Variants in ERCC2 observed in about 807,000 individuals in gnomAD.
ERCC2 encodes ERCC excision repair 2, TFIIH core complex helicase subunit, also known as general transcription and DNA repair factor IIH helicase subunit XPD.
Under a neutral mutation model 99.4 loss-of-function variants are expected in ERCC2, and 90 were observed. That is an observed-to-expected ratio of 0.91 (90% CI 0.76 to 1.08). The LOEUF (loss-of-function observed/expected upper bound fraction) is 1.08, where lower values mean the gene tolerates loss of function less well. ERCC2 is among the 50% of genes least tolerant of loss of function. The probability of loss-of-function intolerance (pLI) is 0.00; values close to 1 mark genes in which losing one functional copy is unlikely to be tolerated. For missense variants in ERCC2, 993 were observed against 1,038.1 expected, an observed-to-expected ratio of 0.96 and a Z score of 0.60; for synonymous variants, 497 against 432.4, an observed-to-expected ratio of 1.15 and a Z score of -1.85.
Position 45,353,336 on chromosome 19 carries a change from T to C in ERCC2, c.1666-2A>G. On this transcript the variant is annotated splice_acceptor_variant, in intron 17 of 22. Coordinates refer to ENST00000391945, the MANE Select transcript of ERCC2 (RefSeq NM_000400.4). LOFTEE classifies it high-confidence loss of function. Reference sequence around the variant, plus strand: ...CCTCTGGATGTTCTCAAGGATCCCCTGGGGAAGGACCCAGGGAGGTCAGGG... The same window carrying C: ...CCTCTGGATGTTCTCAAGGATCCCCCGGGGAAGGACCCAGGGAGGTCAGGG... 3 of 1,612,790 alleles carry C rather than the reference T, an allele frequency of 1.9e-6. No homozygotes were observed. The highest frequency in any genetic ancestry group is 2.5e-6 in the Non-Finnish European group (3 of 1,179,250).
intron 5 of ERCC2, 109 bp downstream of exon 5, chr19:45,368,521 A>T: frequency 1.3e-6 from 1 of 768,038 alleles, no homozygotes. Flanking sequence ...GTGTGTAGCC[A>T]CTGCATGCCT....
At chr19:45,353,003 C>A (rs981033315) in intron 19 of ERCC2, 80 bp downstream of exon 19, 2 of 1,484,632 alleles carry the variant, frequency 1.3e-6, no homozygotes, top group Non-Finnish European at 1.9e-6. Context: ...TGGTTCCCCG[C>A]GGGAGCAGAC....
chr19:45,354,781 G>A lies in ERCC2; in HGVS notation c.1614C>T (p.Phe538=), dbSNP rs775414661. Residue 538 remains phenylalanine (F), a synonymous_variant, in exon 17 of 23, where the codon TTC becomes TTT. Transcript: ENST00000391945. ...TCTCCATGTACTGGTAGCTGGTGAA[G>A]AAGGCCACGATGCCATCAGGGACCA... The part of the protein sequence containing the change: ...SAVVPDGIVA[F]FTSYQYMEST... 21 of 1,614,160 alleles carry A rather than the reference G, an allele frequency of 1.3e-5. No individual in the cohort carries two copies. The Admixed American group carries it at 3.2e-4, about 24-fold the overall frequency.
At chr19:45,369,040 C>T in intron 3 of ERCC2, 30 bp downstream of exon 3, 1 of 1,614,122 alleles carries the variant, frequency 6.2e-7, no homozygotes, top group African/African-American at 1.3e-5. Context: ...CTTCCTTTGT[C>T]TGCCTTTACG....
rs908169514 is a variant in ERCC2 at position 45,364,487 on chromosome 19, C to T, written c.655G>A (p.Asp219Asn). The change falls in exon 8 of 23, where the codon GAC (aspartate) becomes AAC (asparagine). Residue 219 changes from aspartate (D) to asparagine (N), a missense_variant. Physicochemically the swap from Asp to Asn is conservative, Grantham distance 23. This residue lies in a region of ERCC2 where 909 missense variants were observed against 930.8 expected (regional missense o/e 0.98). Transcript: ENST00000391945. ...CGGGCCAGTTCCTTGGACACCAGGT[C>T]TGCAATCTTGGGGTCCAGGAGGTAG... ...YHYLLDPKIA[D>N]LVSKELARKA... 6.2e-7 allele frequency: 1 copy of T among 1,613,992 alleles called. No individual in the cohort carries two copies. The highest frequency in any genetic ancestry group is 8.5e-7 in the Non-Finnish European group (1 of 1,180,004).
intron 11 of ERCC2, among the ~76,000 whole-genome samples, chr19:45,363,048 GA>G (rs1972280333): frequency 6.6e-6 from 1 of 152,150 alleles, no homozygotes; most frequent in Non-Finnish European, 1.5e-5. Flanking sequence ...ACCCACCAAA[GA>G]ACCCTGTGAA....
chr19:45,355,273 C>T (rs1439769611), intron 16 of ERCC2, among the ~76,000 whole-genome samples: 1 of 152,246 alleles, frequency 6.6e-6, no homozygotes, highest in African/African-American at 2.4e-5. Flanking sequence ...ATGAGAATCG[C>T]TTGAACCCGC....
At chr19:45,353,558 A>C (rs1164173031) in intron 17 of ERCC2, among the ~76,000 whole-genome samples, 2 of 152,176 alleles carry the variant, frequency 1.3e-5, no homozygotes, top group East Asian at 3.9e-4. Flanking sequence ...CATGTGGCCC[A>C]AGCGGGTGGC....
chr19:45,350,686 A>G lies in ERCC2; in HGVS notation c.*943T>C, dbSNP rs779895784. On this transcript the variant is annotated 3_prime_UTR_variant, in exon 23 of 23. Transcript: ENST00000391945. The stretch of plus-strand genomic sequence containing the variant: ...ACTCTCCAAGATCCGTGAGTCTATC[A>G]GGCGAGGAAGTGAGAAGCTGGTCTC... 6 of 1,613,742 alleles carry G rather than the reference A, an allele frequency of 3.7e-6. No homozygotes were observed. The highest frequency in any genetic ancestry group is 2.2e-5 in the South Asian group (2 of 91,018).
chr19:45,352,373 C>T, intron 21 of ERCC2, 21 bp from the exon 22 acceptor site: 1 of 1,613,916 alleles, frequency 6.2e-7, no homozygotes, highest in Non-Finnish European at 8.5e-7. Flanking sequence ...AAGCGCAGGC[C>T]AGGGACAGAA....
At chr19:45,364,721 G>C in intron 7 of ERCC2, 117 bp downstream of exon 7, 1 of 1,242,960 alleles carries the variant, frequency 8.0e-7, no homozygotes, top group South Asian at 1.2e-5. Context: ...CCACCAACAG[G>C]GAGATGCAGA....
Position 45,364,085 on chromosome 19 carries a change from C to G in ERCC2, c.850G>C (p.Glu284Gln), listed in dbSNP as rs1054768577. 2.5e-6 allele frequency: 4 copies of G among 1,600,640 alleles called. No homozygotes were observed. The highest frequency in any genetic ancestry group is 3.4e-5 in the Admixed American group (2 of 58,240). Residue 284 changes from glutamate (E) to glutamine (Q), a missense_variant, in exon 10 of 23, where the codon GAG becomes CAG. Transcript: ENST00000391945. ...KETDEQRLRD[E>Q]YRRLVEGLRE... ...AGCCCCTCCACCAGACGCCGGTACT[C>G]GTCCCGCAGGCGCTGCTCGTCTGTC...
chr19:45,369,864 C>T (rs1325752836), intron 2 of ERCC2, among the ~76,000 whole-genome samples: 7 of 152,046 alleles, frequency 4.6e-5, no homozygotes, highest in African/African-American at 9.7e-5. Context: ...TTAGTACAGA[C>T]GGGGTTTCAC....
chr19:45,363,498 G>T (rs3916816), intron 11 of ERCC2, among the ~76,000 whole-genome samples: 2 of 152,266 alleles, frequency 1.3e-5, no homozygotes, highest in East Asian at 1.9e-4. Context: ...TCTCTTGGGT[G>T]GGGGAGATTC....
chr19:45,366,843 G>A (rs897966812), intron 5 of ERCC2, among the ~76,000 whole-genome samples: 1 of 151,868 alleles, frequency 6.6e-6, no homozygotes. Context: ...AGACCAGCCC[G>A]GCCAACATGA....
At position 45,351,557 on chromosome 19, in the gene ERCC2, CCGCCG is replaced by C; in HGVS notation, c.*67_*71del. The C allele has an allele frequency of 6.2e-7, 1 of 1,608,508 alleles. No individual in the cohort carries two copies. The highest frequency in any genetic ancestry group is 8.5e-7 in the Non-Finnish European group (1 of 1,179,620). On this transcript the variant is annotated 3_prime_UTR_variant, in exon 23 of 23. Coordinates refer to ENST00000391945, the MANE Select transcript of ERCC2 (RefSeq NM_000400.4). The stretch of plus-strand genomic sequence containing the variant: ...GACTTCATAAGACCTTCTAGCACCA[CCGCCG>C]CTGGGAACCAGGGCCAGGCAAGACT...
Position 45,357,258 on chromosome 19 carries a change from T to C in ERCC2, c.1479+12A>G, listed in dbSNP as rs1338828145. 6.2e-7 allele frequency: 1 copy of C among 1,603,366 alleles called. No homozygotes were observed. The highest frequency in any genetic ancestry group is 8.5e-7 in the Non-Finnish European group (1 of 1,171,394). ...TCCCCTCCCGGCCCCAGCCCTAGCC[T>C]CTCCCACTCACCATAGGGCAGAGGC... is the stretch of plus-strand genomic sequence containing the variant. On this transcript the variant is annotated intron_variant, in intron 15 of 22. Coordinates refer to ENST00000391945, the MANE Select transcript of ERCC2 (RefSeq NM_000400.4).
chr19:45,352,251 C>T lies in ERCC2; in HGVS notation c.2148G>A (p.Val716=). The T allele has an allele frequency of 6.2e-7, 1 of 1,614,102 alleles. No individual in the cohort carries two copies. Residue 716 remains valine (V), a synonymous_variant, in exon 22 of 23, where the codon GTG becomes GTA. Coordinates refer to ENST00000391945, the MANE Select transcript of ERCC2 (RefSeq NM_000400.4). ...CCATCTGCCGCAGGAAGTACTTGGCCACCTGGACACCCTCGTCCACGGTCA... is the reference window on the plus strand; with the variant it reads ...CCATCTGCCGCAGGAAGTACTTGGCTACCTGGACACCCTCGTCCACGGTCA... ...LNLTVDEGVQ[V]AKYFLRQMAQ... is the part of the protein sequence containing the mutation.
At position 45,351,431 on chromosome 19, in the gene ERCC2, G is replaced by T; in HGVS notation, c.*198C>A. 1.3e-6 allele frequency: 2 copies of T among 1,590,286 alleles called. No homozygotes were observed. Among genetic ancestry groups the T allele is most frequent in the South Asian group, 1.1e-5 (1 of 90,298 alleles). ...GGATGGGCTGGTGGGGTGAGAGGGG[G>T]TCTATCATCTCCTGGCCCCCCCTTG... is the stretch of plus-strand genomic sequence containing the variant. On this transcript the variant is annotated 3_prime_UTR_variant, in exon 23 of 23. Transcript: ENST00000391945.
Sources: allele counts gnomAD v4.1 joint callset (sites outside exome capture counted in the v4.1 genomes callset), GRCh38; gene constraint gnomAD v4.1.1; regional missense constraint gnomAD v4.1.1; transcripts MANE v1.5; gene names NCBI Gene and HGNC (gene_info 2026-07-23, HGNC 2026-07-21).